PCSK6: variants seen among roughly 807,000 people sequenced by gnomAD.
The protein encoded by PCSK6 is paired basic amino acid cleaving enzyme 4.
In PCSK6, 85 loss-of-function variants were observed where a neutral mutation model predicts 123.3. The ratio of observed to expected loss-of-function variants is 0.69; its 90% CI spans 0.58 to 0.83. The LOEUF (loss-of-function observed/expected upper bound fraction) is 0.83. PCSK6 is among the 40% of genes least tolerant of loss of function. PCSK6 has a pLI of 0.00. For missense variants in PCSK6, 1,191 were observed against 1,282.3 expected (o/e 0.93, Z 1.09); for synonymous variants, 508 against 516.0 (o/e 0.98, Z 0.21).
intron 13 of PCSK6, among the ~76,000 whole-genome samples, chr15:101,339,293 C>T (rs979855988): frequency 1.2e-4 from 18 of 152,114 alleles, no homozygotes; most frequent in Non-Finnish European, 2.2e-4. Flanking sequence ...TTAAAATATG[C>T]AGGAAGAAAT....
intron 20 of PCSK6, chr15:101,312,521 T>TA (rs75881652): frequency 0.35 from 53,048 of 152,102 alleles, 11,748 homozygotes; most frequent in African/African-American, 0.63. Context: ...TTAATTTCTC[T>TA]AAGTATCTAA....
intron 11 of PCSK6, among the ~76,000 whole-genome samples, chr15:101,378,986 T>C (rs729906): frequency 0.83 from 126,063 of 152,250 alleles, 52,773 homozygotes; most frequent in South Asian, 0.93. Flanking sequence ...CCTTTGGGCC[T>C]GAGCATGACT....
intron 13 of PCSK6, among the ~76,000 whole-genome samples, chr15:101,358,755 G>A (rs565563322): frequency 1.9e-4 from 29 of 152,188 alleles, no homozygotes; most frequent in Admixed American, 2.0e-4. Flanking sequence ...GGAAAGGGCC[G>A]CTTGGCCTTT....
At chr15:101,447,170 C>G (rs892715626) in intron 1 of PCSK6, among the ~76,000 whole-genome samples, 1 of 152,142 alleles carries the variant, frequency 6.6e-6, no homozygotes, top group Non-Finnish European at 1.5e-5. Flanking sequence ...AGGGTCCACC[C>G]CAGGTACGAG....
At chr15:101,374,818 G>A (rs1413686333) in intron 11 of PCSK6, among the ~76,000 whole-genome samples, 2 of 152,208 alleles carry the variant, frequency 1.3e-5, no homozygotes, top group Non-Finnish European at 2.9e-5. Context: ...AGGCTTCTAG[G>A]TCACTTCTCA....
intron 11 of PCSK6, among the ~76,000 whole-genome samples, chr15:101,377,344 G>A (rs982895533): frequency 7.2e-5 from 11 of 152,268 alleles, no homozygotes; most frequent in Non-Finnish European, 1.2e-4. Context: ...TGGGCAGGTC[G>A]CTCTCATTGG....
At chr15:101,331,230 T>C (rs940009893) in intron 15 of PCSK6, among the ~76,000 whole-genome samples, 2 of 152,146 alleles carry the variant, frequency 1.3e-5, no homozygotes, top group Non-Finnish European at 2.9e-5. Flanking sequence ...AATGGGATGA[T>C]TGGAGAAAAA....
chr15:101,343,004 TTCC>T (rs2141391807), intron 13 of PCSK6, among the ~76,000 whole-genome samples: 1 of 152,372 alleles, frequency 6.6e-6, no homozygotes, highest in East Asian at 1.9e-4. Context: ...ACATTATTTC[TTCC>T]ATTTAAATGT....
intron 2 of PCSK6, among the ~76,000 whole-genome samples, chr15:101,437,293 T>C (rs2056628121): frequency 6.6e-6 from 1 of 152,156 alleles, no homozygotes; most frequent in Non-Finnish European, 1.5e-5. Context: ...TGAGAGCCCA[T>C]CATGGCGAGA....
chr15:101,416,821 G>A (rs1163757008), intron 6 of PCSK6, among the ~76,000 whole-genome samples: 1 of 152,270 alleles, frequency 6.6e-6, no homozygotes, highest in Non-Finnish European at 1.5e-5. Context: ...GTGCACAGAA[G>A]TCAAGAACTG....
chr15:101,447,882 C>T (rs1433199406), intron 1 of PCSK6, among the ~76,000 whole-genome samples: 6 of 152,226 alleles, frequency 3.9e-5, no homozygotes, highest in Non-Finnish European at 7.3e-5. Context: ...GTGGCTTCCA[C>T]GGACTGCCGC....
At chr15:101,364,148 G>T (rs2141447686) in intron 13 of PCSK6, among the ~76,000 whole-genome samples, 1 of 152,112 alleles carries the variant, frequency 6.6e-6, no homozygotes, top group Middle Eastern at 3.4e-3. Context: ...AACTGGAAAA[G>T]AACCAGGGCA....
intron 20 of PCSK6, among the ~76,000 whole-genome samples, chr15:101,311,437 T>C (rs1252394614): frequency 6.6e-6 from 1 of 151,968 alleles, no homozygotes; most frequent in African/African-American, 2.4e-5. Context: ...TCCTTCCCTC[T>C]CTTGCTCCTG....
chr15:101,347,401 A>G, intron 13 of PCSK6: 1 of 1,237,022 alleles, frequency 8.1e-7, no homozygotes, highest in Non-Finnish European at 1.0e-6. Context: ...TCAAGAATTC[A>G]TGGAACTTTT....
chr15:101,479,498 G>A (rs1226508295), intron 1 of PCSK6, among the ~76,000 whole-genome samples: 4 of 152,198 alleles, frequency 2.6e-5, no homozygotes, highest in Non-Finnish European at 4.4e-5. Flanking sequence ...GAGTATGAGT[G>A]AGCAGGCCCG....
At chr15:101,408,238 A>G (rs1195154895) in intron 6 of PCSK6, among the ~76,000 whole-genome samples, 1 of 152,202 alleles carries the variant, frequency 6.6e-6, no homozygotes, top group African/African-American at 2.4e-5. Context: ...GGGGACACGG[A>G]CGGCGAAAAG....
At chr15:101,326,713 C>A (rs866692470) in intron 15 of PCSK6, among the ~76,000 whole-genome samples, 3 of 152,172 alleles carry the variant, frequency 2.0e-5, no homozygotes, top group Admixed American at 6.5e-5. Context: ...ACAGGGATGG[C>A]ATGAGAAGGA....
intron 6 of PCSK6, among the ~76,000 whole-genome samples, chr15:101,410,737 A>G (rs1174765692): frequency 6.6e-6 from 1 of 152,200 alleles, no homozygotes; most frequent in Non-Finnish European, 1.5e-5. Context: ...ATGATTGCAA[A>G]GGTGGAATCC....
At chr15:101,466,248 A>G (rs887677578) in intron 1 of PCSK6, among the ~76,000 whole-genome samples, 1 of 152,226 alleles carries the variant, frequency 6.6e-6, no homozygotes, top group Admixed American at 6.5e-5. Flanking sequence ...TAAAAAAGAG[A>G]CACAAATGAC....
Sources: gnomAD v4.1 joint callset for allele counts (sites outside exome capture counted in the v4.1 genomes callset) on GRCh38, gnomAD v4.1.1 for gene constraint, MANE v1.5 for transcripts, NCBI Gene and HGNC (gene_info 2026-07-23, HGNC 2026-07-21) for gene names.